PCDHGA3: variants seen among roughly 807,000 people sequenced by gnomAD.
PCDHGA3 encodes protocadherin gamma subfamily A, 3.
In PCDHGA3, 40 loss-of-function variants were observed where a neutral mutation model predicts 58.5. The observed-to-expected ratio is 0.68, with a 90% CI of 0.53 to 0.89. The LOEUF is 0.89. PCDHGA3 is among the 40% of genes least tolerant of loss of function. The pLI is 0.00. For synonymous variants in PCDHGA3, 530 were observed against 525.7 expected (o/e 1.01, Z -0.11); for missense variants, 1,223 against 1,195.9 (o/e 1.02, Z -0.33).
chr5:141,511,233 TACCTGC>T lies in PCDHGA3; in HGVS notation c.*64_*69del. 4 of 1,595,428 alleles carry T rather than the reference TACCTGC, an allele frequency of 2.5e-6. No individual in the cohort carries two copies. The highest frequency in any genetic ancestry group is 3.4e-6 in the Non-Finnish European group (4 of 1,170,894). ...CTCCCCAACCAGCCCAGCTTCTCCT[TACCTGC>T]ACCCAGGCCTCAGAGTTTCAGGGCT... On this transcript the variant is annotated 3_prime_UTR_variant, in exon 4 of 4. Transcript: ENST00000253812.
intron 1 of PCDHGA3, chr5:141,397,891 A>G: frequency 3.2e-6 from 2 of 631,130 alleles, no homozygotes; most frequent in Non-Finnish European, 5.3e-6. Context: ...CTGTTGGCCA[A>G]AGTGCAGAGC....
In PCDHGA3 at chr5:141,490,692, G is replaced by C. The variant is rs751109998; in HGVS notation, c.2425-4115G>C. 16 of 1,614,154 alleles carry C rather than the reference G, an allele frequency of 9.9e-6. 1 individual carries two copies. The Middle Eastern group carries it at 6.6e-4, about 67-fold the overall frequency. ...TGGCTGCCTCAGATCCAGACACTGG[G>C]GATAATGCCCGCCTCACCTACTCCA... On this transcript the variant is annotated intron_variant, in intron 1 of 3. Transcript: ENST00000253812. This position sits in a 1 kb window ranked among gnomAD's most constrained non-coding sequence, Gnocchi z 5.4.
intron 1 of PCDHGA3, chr5:141,413,721 C>A (rs779673406): frequency 6.2e-7 from 1 of 1,613,592 alleles, no homozygotes. Context: ...ATAAGCACTT[C>A]TCCCTAAGAG....
At chr5:141,413,625 C>A (rs372855865) in intron 1 of PCDHGA3, 22 of 1,613,734 alleles carry the variant, frequency 1.4e-5, no homozygotes, top group Non-Finnish European at 1.9e-5. Flanking sequence ...ATGAAAATGT[C>A]GCTGCGGGAA....
At chr5:141,507,178 G>A (rs548016031) in intron 3 of PCDHGA3, 4 of 152,350 alleles carry the variant, frequency 2.6e-5, no homozygotes, top group East Asian at 3.9e-4. Flanking sequence ...CCTCTTCCTC[G>A]AGCTCTGCTT....
intron 1 of PCDHGA3, among the ~76,000 whole-genome samples, chr5:141,433,465 C>T (rs1386201581): frequency 6.6e-6 from 1 of 152,060 alleles, no homozygotes; most frequent in Non-Finnish European, 1.5e-5. Context: ...GAAACTTGGG[C>T]TCAGGCTAGC....
intron 1 of PCDHGA3, chr5:141,350,106 T>C: frequency 1.9e-6 from 1 of 524,158 alleles, no homozygotes; most frequent in Non-Finnish European, 3.0e-6. Flanking sequence ...GGTGCCTTCC[T>C]GCTTTGTCCG....
intron 1 of PCDHGA3, chr5:141,361,115 T>C: frequency 6.2e-7 from 1 of 1,614,046 alleles, no homozygotes; most frequent in Non-Finnish European, 8.5e-7. Context: ...CCTGGAGATC[T>C]AGCAGCCCAC....
intron 1 of PCDHGA3, chr5:141,414,410 G>A (rs1216701146): frequency 1.2e-6 from 2 of 1,613,856 alleles, no homozygotes; most frequent in Non-Finnish European, 1.7e-6. Context: ...GTGATACACA[G>A]AGCCCTTGAC....
chr5:141,433,208 C>CA, intron 1 of PCDHGA3: 1 of 1,293,080 alleles, frequency 7.7e-7, no homozygotes, highest in Non-Finnish European at 1.1e-6. Context: ...AATCTTCTTT[C>CA]TTTTTTTTTT....
intron 1 of PCDHGA3, chr5:141,415,030 G>A (rs374572942): frequency 1.2e-6 from 2 of 1,613,460 alleles, no homozygotes; most frequent in African/African-American, 2.7e-5. Flanking sequence ...CAGCGAGCCG[G>A]GACTCTTCGC....
At chr5:141,371,321 T>C (rs1767663616) in intron 1 of PCDHGA3, 4 of 1,613,816 alleles carry the variant, frequency 2.5e-6, no homozygotes, top group Non-Finnish European at 3.4e-6. Context: ...AACTGGACTT[T>C]GAAGAGAGAG....
intron 1 of PCDHGA3, chr5:141,405,408 TTTTTTTG>T (rs2094659443): frequency 2.5e-6 from 4 of 1,572,390 alleles, no homozygotes; most frequent in African/African-American, 1.4e-5. Flanking sequence ...CTTTCTTTTC[TTTTTTTG>T]TTTTTTGTTT....
intron 1 of PCDHGA3, chr5:141,387,615 A>G: frequency 3.5e-6 from 2 of 564,798 alleles, no homozygotes; most frequent in South Asian, 2.4e-5. Flanking sequence ...GTAGTTTCCT[A>G]GTGCTGACTC....
At chr5:141,394,874 G>C in intron 1 of PCDHGA3, 3 of 1,613,814 alleles carry the variant, frequency 1.9e-6, no homozygotes, top group South Asian at 1.1e-5. Context: ...CGAACGATTC[G>C]AGCCTTACAC....
intron 1 of PCDHGA3, among the ~76,000 whole-genome samples, chr5:141,353,193 TG>T (rs957597858): frequency 6.6e-6 from 1 of 152,202 alleles, no homozygotes; most frequent in African/African-American, 2.4e-5. Flanking sequence ...TGGCAAATCT[TG>T]CTAAAGAGAC....
In PCDHGA3 at chr5:141,486,432, G is replaced by T; in HGVS notation, c.2425-8375G>T. On this transcript the variant is annotated intron_variant, in intron 1 of 3. Coordinates refer to ENST00000253812, the MANE Select transcript of PCDHGA3 (RefSeq NM_018916.4). This position sits in a 1 kb window ranked among gnomAD's most constrained non-coding sequence, Gnocchi z 5.0. ...CCCTTGGATCGAGAGGCCAAATCTA[G>T]CTATGACATCATGGTCACTGCTTCT... 4 of 1,614,172 alleles carry T rather than the reference G, an allele frequency of 2.5e-6. No homozygotes were observed. Among genetic ancestry groups the T allele is most frequent in the Non-Finnish European group, 2.5e-6 (3 of 1,180,020 alleles).
Position 141,491,547 on chromosome 5 carries a change from G to C in PCDHGA3, c.2425-3260G>C. On this transcript the variant is annotated intron_variant, in intron 1 of 3. Coordinates refer to ENST00000253812, the MANE Select transcript of PCDHGA3 (RefSeq NM_018916.4). This position sits in a 1 kb window ranked among gnomAD's most constrained non-coding sequence, Gnocchi z 6.9. Reference sequence around the variant, plus strand: ...AGGTGACGCTGCGGCCCACAGACTCGCAGAGCCACTGCTACAGGACGTGCT... The same window carrying C: ...AGGTGACGCTGCGGCCCACAGACTCCCAGAGCCACTGCTACAGGACGTGCT... 6.2e-7 allele frequency: 1 copy of C among 1,613,974 alleles called. No individual in the cohort carries two copies. The highest frequency in any genetic ancestry group is 8.5e-7 in the Non-Finnish European group (1 of 1,180,022).
chr5:141,463,596 C>T (rs922480221), intron 1 of PCDHGA3, among the ~76,000 whole-genome samples: 5 of 151,874 alleles, frequency 3.3e-5, no homozygotes, highest in Admixed American at 2.0e-4. Flanking sequence ...CTACAGGTGC[C>T]TGCCACCATG....
Sources: allele counts gnomAD v4.1 joint callset (sites outside exome capture counted in the v4.1 genomes callset), GRCh38; gene constraint gnomAD v4.1.1; non-coding constraint Gnocchi (gnomAD v3.1); transcripts MANE v1.5; gene names NCBI Gene and HGNC (gene_info 2026-07-23, HGNC 2026-07-21).